Variants in TMEM245 observed in about 807,000 individuals in gnomAD.
TMEM245 encodes protein CG-2.
TMEM245 carries 69 observed loss-of-function variants against 101.2 expected under a neutral mutation model. The observed-to-expected ratio is 0.68, with a 90% confidence interval of 0.56 to 0.83. The LOEUF (loss-of-function observed/expected upper bound fraction) is 0.83. Ranked by LOEUF, TMEM245 falls within the 40% of genes least tolerant of loss-of-function variation. TMEM245 has a pLI of 0.00. For synonymous variants in TMEM245, 537 were observed against 449.8 expected (o/e 1.19, Z -2.45); for missense variants, 1,075 against 1,092.8 (o/e 0.98, Z 0.23).
intron 8 of TMEM245, among the ~76,000 whole-genome samples, chr9:109,078,148 A>G (rs1279908897): frequency 1.3e-5 from 2 of 152,204 alleles, no homozygotes; most frequent in Non-Finnish European, 2.9e-5. Context: ...ACTTATATCC[A>G]GGAAAATATT....
chr9:109,063,381 A>G (rs1262616199), intron 10 of TMEM245, among the ~76,000 whole-genome samples: 1 of 152,168 alleles, frequency 6.6e-6, no homozygotes, highest in Non-Finnish European at 1.5e-5. Flanking sequence ...TTGGCCTCCC[A>G]AAGTGCTTGG....
intron 8 of TMEM245, among the ~76,000 whole-genome samples, chr9:109,076,641 G>A (rs767129102): frequency 8.6e-5 from 13 of 152,020 alleles, no homozygotes; most frequent in Non-Finnish European, 1.5e-4. Flanking sequence ...TAAATATTTG[G>A]ACATTCCCTA....
intron 1 of TMEM245, among the ~76,000 whole-genome samples, chr9:109,112,682 C>A (rs1024668189): frequency 5.9e-5 from 9 of 152,210 alleles, no homozygotes; most frequent in Non-Finnish European, 8.8e-5. Flanking sequence ...AAAACAAAAA[C>A]CTTCTACTTT....
intron 1 of TMEM245, among the ~76,000 whole-genome samples, chr9:109,112,424 C>G (rs1228693745): frequency 1.3e-5 from 2 of 151,788 alleles, no homozygotes; most frequent in Non-Finnish European, 2.9e-5. Context: ...GCCTGTAATC[C>G]CAGCTACTTG....
intron 8 of TMEM245, among the ~76,000 whole-genome samples, chr9:109,079,254 C>A (rs965330140): frequency 5.3e-5 from 8 of 151,978 alleles, no homozygotes; most frequent in African/African-American, 1.9e-4. Flanking sequence ...TACCTGACTT[C>A]CTCACCCTGC....
chr9:109,112,205 TG>T, intron 1 of TMEM245, among the ~76,000 whole-genome samples: 1 of 151,264 alleles, frequency 6.6e-6, no homozygotes, highest in South Asian at 2.1e-4. Context: ...AAAGGCATGG[TG>T]GGGGAGGGGG....
chr9:109,086,031 G>A lies in TMEM245; in HGVS notation c.1321-11C>T, dbSNP rs780291440. The A allele has an allele frequency of 1.2e-6, 2 of 1,612,250 alleles. No individual in the cohort carries two copies. The highest frequency in any genetic ancestry group is 2.7e-5 in the African/African-American group (2 of 73,650). ...TAGCCAGTGCCAGAGCTTGAGGATA[G>A]GGGGTAAGGTGAGAAAGAGAAGATA... On this transcript the variant is annotated splice_polypyrimidine_tract_variant and intron_variant, in intron 6 of 17. Coordinates refer to ENST00000374586, the MANE Select transcript of TMEM245 (RefSeq NM_032012.4).
chr9:109,059,740 TCA>T (rs1401970530), intron 11 of TMEM245, among the ~76,000 whole-genome samples: 1 of 152,002 alleles, frequency 6.6e-6, no homozygotes, highest in Non-Finnish European at 1.5e-5. Flanking sequence ...GCGTTTAGAT[TCA>T]GTTTCACTTT....
rs749493929 is a variant in TMEM245 at position 109,093,462 on chromosome 9, G to A, written c.916+13C>T. 10 of 1,601,134 alleles carry A rather than the reference G, an allele frequency of 6.2e-6. No individual in the cohort carries two copies. The highest frequency in any genetic ancestry group is 4.5e-5 in the East Asian group (2 of 44,806). ...TCCAGAATAACCTTGAATGTCACCAGAACATCAGTCACCTGCAGGCTGAGT... is the reference window on the plus strand; with the variant it reads ...TCCAGAATAACCTTGAATGTCACCAAAACATCAGTCACCTGCAGGCTGAGT... On this transcript the variant is annotated intron_variant, in intron 4 of 17. Transcript: ENST00000374586.
At chr9:109,097,422 T>G (rs1459169117) in intron 3 of TMEM245, among the ~76,000 whole-genome samples, 4 of 152,080 alleles carry the variant, frequency 2.6e-5, no homozygotes, top group Non-Finnish European at 4.4e-5. Flanking sequence ...GGTCTCACAT[T>G]TGCTATGAGG....
chr9:109,087,262 T>TA lies in TMEM245; in HGVS notation c.1230dup (p.Ile411TyrfsTer28). ...TGCCGCTCCTTCAGGAAGCTTTCTA[T>TA]AATGCCCCACCACACATGGTAGCGT... On this transcript the variant is annotated frameshift_variant, in exon 6 of 18. Coordinates refer to ENST00000374586, the MANE Select transcript of TMEM245 (RefSeq NM_032012.4). LOFTEE classifies it high-confidence loss of function. 1 of 1,614,030 alleles carries TA rather than the reference T, an allele frequency of 6.2e-7. No homozygotes were observed. Among genetic ancestry groups the TA allele is most frequent in the Non-Finnish European group, 8.5e-7 (1 of 1,179,958 alleles).
intron 1 of TMEM245, among the ~76,000 whole-genome samples, chr9:109,118,413 T>C (rs6477689): frequency 0.2 from 31,041 of 152,156 alleles, 3,357 homozygotes; most frequent in East Asian, 0.34. Flanking sequence ...TATGAATCAA[T>C]TGGCATTCTT....
chr9:109,052,748 C>T lies in TMEM245; in HGVS notation c.1855-2056G>A, dbSNP rs554843775. Among the ~76,000 whole-genome samples, 17 of 152,068 alleles carry T rather than the reference C, an allele frequency of 1.1e-4. No individual in the cohort carries two copies. In the South Asian group the frequency reaches 3.5e-3, roughly 32 times the overall value. On this transcript the variant is annotated intron_variant, in intron 12 of 17. Transcript: ENST00000374586. ...AGTTCCAAGAAACAAGCCAACAATGCCTTTACTTGTGATTTGACAAGCATT... is the reference window on the plus strand; with the variant it reads ...AGTTCCAAGAAACAAGCCAACAATGTCTTTACTTGTGATTTGACAAGCATT...
At chr9:109,118,552 C>T (rs1830791939) in intron 1 of TMEM245, among the ~76,000 whole-genome samples, 1 of 152,182 alleles carries the variant, frequency 6.6e-6, no homozygotes, top group Admixed American at 6.5e-5. Context: ...AATTCTAAAG[C>T]TCCCTGGTTT....
chr9:109,036,483 C>T lies in TMEM245; in HGVS notation c.2225-103G>A, dbSNP rs866663630. 1.1e-4 allele frequency: 125 copies of T among 1,131,036 alleles called. 1 individual carries two copies. The Middle Eastern group carries it at 5.5e-3, about 50-fold the overall frequency. 70.1% of individuals were successfully genotyped at this position (1,131,036 alleles called of 1,614,324 possible). ...TCCTCCTCAACAACTTCCAACAAAA[C>T]AAGTTAAATACTCACAAACTCAAAT... On this transcript the variant is annotated intron_variant, in intron 15 of 17. Transcript: ENST00000374586.
chr9:109,035,862 G>C (rs1056751447), intron 16 of TMEM245, among the ~76,000 whole-genome samples: 1 of 149,544 alleles, frequency 6.7e-6, no homozygotes, highest in African/African-American at 2.5e-5. Context: ...CTTGAGCCTA[G>C]GAGTTCAAGG....
chr9:109,051,295 AACACAC>A (rs67093439), intron 12 of TMEM245, among the ~76,000 whole-genome samples: 1,689 of 135,210 alleles, frequency 0.012, 23 homozygotes, highest in African/African-American at 0.031. Context: ...TCTGTCTCAA[AACACAC>A]ACACACACAC....
At chr9:109,036,596 A>T (rs1295015811) in intron 15 of TMEM245, among the ~76,000 whole-genome samples, 1 of 152,184 alleles carries the variant, frequency 6.6e-6, no homozygotes, top group Non-Finnish European at 1.5e-5. Context: ...AAATCTTTCT[A>T]AGTGTGTGTC....
rs749311982 is a variant in TMEM245 at position 109,060,395 on chromosome 9, G to C, written c.1681C>G (p.Leu561Val). 3 of 1,613,636 alleles carry C rather than the reference G, an allele frequency of 1.9e-6. No individual in the cohort carries two copies. Among genetic ancestry groups the C allele is most frequent in the South Asian group, 1.1e-5 (1 of 91,006 alleles). The change falls in exon 11 of 18, where the codon CTA (leucine) becomes GTA (valine). Residue 561 changes from leucine (L) to valine (V), a missense_variant. Leu to Val is a conservative substitution (Grantham distance 32). Coordinates refer to ENST00000374586, the MANE Select transcript of TMEM245 (RefSeq NM_032012.4). ...TGATACAGTCTGTCCCAAAGTTCTA[G>C]TACTTGCTTTTCAATTACAGCAGTA... is the stretch of plus-strand genomic sequence containing the variant. ...NNTAVIEKQVLELWDRLYHSW... is the reference protein window; with the variant it reads ...NNTAVIEKQVVELWDRLYHSW...
Sources: allele counts gnomAD v4.1 joint callset (sites outside exome capture counted in the v4.1 genomes callset), GRCh38; gene constraint gnomAD v4.1.1; transcripts MANE v1.5; gene names NCBI Gene and HGNC (gene_info 2026-07-23, HGNC 2026-07-21).